Variants in CDK12 observed in about 807,000 individuals in gnomAD.
CDK12 encodes the protein cyclin-dependent kinase 12.
In CDK12, 17 loss-of-function variants were observed where a neutral mutation model predicts 133.8. The observed-to-expected ratio is 0.13, with a 90% CI of 0.09 to 0.19. The LOEUF (loss-of-function observed/expected upper bound fraction) is 0.19, where lower values mean the gene tolerates loss of function less well. CDK12 is among the 10% of genes least tolerant of loss of function. The pLI is 1.00. For missense variants in CDK12, 1,508 were observed against 1,818.7 expected (o/e 0.83, Z 3.11); for synonymous variants, 694 against 683.6 (o/e 1.02, Z -0.24).
chr17:39,515,950 T>C lies in CDK12; in HGVS notation c.2846+142T>C. On this transcript the variant is annotated intron_variant, in intron 9 of 13. Coordinates refer to ENST00000447079, the MANE Select transcript of CDK12 (RefSeq NM_016507.4). ...TCTCTTTACTCAGTCAGGTTTACCATATATTTTGTCATAGGCTATACATAT... is the reference window on the plus strand; with the variant it reads ...TCTCTTTACTCAGTCAGGTTTACCACATATTTTGTCATAGGCTATACATAT... 3 of 553,286 alleles carry C rather than the reference T, an allele frequency of 5.4e-6. No individual in the cohort carries two copies. The South Asian group carries it at 9.3e-5, about 17-fold the overall frequency. 34.3% of individuals were successfully genotyped at this position (553,286 alleles called of 1,614,324 possible). A position where few individuals can be genotyped will look rare whatever the true frequency, so the allele number is the denominator to read the frequency against.
chr17:39,517,811 A>T (rs765554548), intron 10 of CDK12, among the ~76,000 whole-genome samples: 1 of 152,122 alleles, frequency 6.6e-6, no homozygotes. Context: ...TGATCTTTCC[A>T]TGAGAAAAAG....
chr17:39,475,609 G>A (rs1486988844), intron 2 of CDK12, among the ~76,000 whole-genome samples: 5 of 148,400 alleles, frequency 3.4e-5, no homozygotes, highest in African/African-American at 1.0e-4. Context: ...GTGCAGTGGC[G>A]ATCTTGGCTC....
chr17:39,533,966 T>G lies in CDK12; in HGVS notation c.*2650T>G, dbSNP rs953739591. The G allele has an allele frequency of 1.7e-5, 4 of 232,244 alleles. No individual in the cohort carries two copies. Among genetic ancestry groups the G allele is most frequent in the Non-Finnish European group, 2.6e-5 (3 of 117,474 alleles). The allele number at this position is 232,244 out of a possible 1,614,324, so 14.4% of individuals were successfully genotyped here. ...AATTAATTCCATTCAAAAGTGGTTT[T>G]CGTTTTGTTTTAATTATTGTACAAT... is the stretch of plus-strand genomic sequence containing the variant. On this transcript the variant is annotated 3_prime_UTR_variant, in exon 14 of 14. Coordinates refer to ENST00000447079, the MANE Select transcript of CDK12 (RefSeq NM_016507.4).
intron 3 of CDK12, among the ~76,000 whole-genome samples, chr17:39,559,032 T>C (rs909137280): frequency 6.6e-6 from 1 of 152,238 alleles, no homozygotes; most frequent in Non-Finnish European, 1.5e-5. Context: ...GTTCATTTTA[T>C]TGATGTACAC....
At chr17:39,491,497 A>G (rs970512138) in intron 3 of CDK12, among the ~76,000 whole-genome samples, 3 of 151,984 alleles carry the variant, frequency 2.0e-5, no homozygotes, top group Non-Finnish European at 4.4e-5. Context: ...TGGCCTCCCA[A>G]AGTGCTGGGA....
rs2054847299 is a variant in CDK12 at position 39,531,559 on chromosome 17, A to T, written c.*243A>T. 2.5e-6 allele frequency: 1 copy of T among 392,738 alleles called. No individual in the cohort carries two copies. The highest frequency in any genetic ancestry group is 4.5e-6 in the Non-Finnish European group (1 of 221,810). The allele number at this position is 392,738 out of a possible 1,614,324, so 24.3% of individuals were successfully genotyped here. On this transcript the variant is annotated 3_prime_UTR_variant, in exon 14 of 14. Coordinates refer to ENST00000447079, the MANE Select transcript of CDK12 (RefSeq NM_016507.4). Reference sequence around the variant, plus strand: ...ATTTACTTCAACTCTACCTTAGTAGATACAAGTAGAGAATATGGAGAGGAT... The same window carrying T: ...ATTTACTTCAACTCTACCTTAGTAGTTACAAGTAGAGAATATGGAGAGGAT...
chr17:39,552,657 G>GT, intron 2 of CDK12, among the ~76,000 whole-genome samples: 1 of 152,308 alleles, frequency 6.6e-6, no homozygotes, highest in South Asian at 2.1e-4. Flanking sequence ...TATATTCTGG[G>GT]TGTTTCTCCA....
chr17:39,500,375 G>A (rs1036550421), intron 5 of CDK12, among the ~76,000 whole-genome samples: 4 of 151,932 alleles, frequency 2.6e-5, no homozygotes, highest in Admixed American at 6.6e-5. Flanking sequence ...GCTGACGCCT[G>A]TAATCCCAAC....
intron 2 of CDK12, among the ~76,000 whole-genome samples, chr17:39,552,763 A>G (rs1246157439): frequency 6.6e-6 from 1 of 152,044 alleles, no homozygotes; most frequent in Non-Finnish European, 1.5e-5. Context: ...GTCTCACTCT[A>G]TCGCCCAGGC....
In CDK12 at chr17:39,471,708, A is replaced by G. The variant is rs2049810686; in HGVS notation, c.1876A>G (p.Thr626Ala). The stretch of plus-strand genomic sequence containing the variant: ...TGCTATTCCACACCTGAAAACTTCA[A>G]CGTTGCCTCCTTTGCCCCTCCCACC... The part of the protein sequence containing the change: ...TAAIPHLKTS[T>A]LPPLPLPPLL... The change falls in exon 2 of 14, where the codon ACG becomes GCG. Residue 626 changes from threonine (T) to alanine (A), a missense_variant. Coordinates refer to ENST00000447079, the MANE Select transcript of CDK12 (RefSeq NM_016507.4). The G allele has an allele frequency of 1.2e-6, 2 of 1,614,124 alleles. No homozygotes were observed. The highest frequency in any genetic ancestry group is 1.7e-6 in the Non-Finnish European group (2 of 1,180,016).
At chr17:39,524,179 A>G (rs1048357679) in intron 11 of CDK12, among the ~76,000 whole-genome samples, 1 of 152,240 alleles carries the variant, frequency 6.6e-6, no homozygotes, top group Admixed American at 6.5e-5. Flanking sequence ...AGGGGAAAGA[A>G]CTAGTCTTTG....
At chr17:39,518,839 G>A (rs909724670) in intron 10 of CDK12, among the ~76,000 whole-genome samples, 1 of 151,692 alleles carries the variant, frequency 6.6e-6, no homozygotes, top group African/African-American at 2.4e-5. Flanking sequence ...GATTATAGGT[G>A]TAAGCCCACC....
At chr17:39,485,721 TAAAAAA>T (rs78266155) in intron 2 of CDK12, among the ~76,000 whole-genome samples, 1 of 140,400 alleles carries the variant, frequency 7.1e-6, no homozygotes, top group Non-Finnish European at 1.6e-5. Context: ...CCCTGTCTCT[TAAAAAA>T]AAAAAAAGCA....
At chr17:39,511,313 G>T (rs2053494959) in intron 7 of CDK12, among the ~76,000 whole-genome samples, 1 of 151,500 alleles carries the variant, frequency 6.6e-6, no homozygotes, top group African/African-American at 2.4e-5. Context: ...CTCCCAAAGT[G>T]CTGGTATTAC....
At chr17:39,480,278 T>TC (rs1212703622) in intron 2 of CDK12, among the ~76,000 whole-genome samples, 1 of 149,392 alleles carries the variant, frequency 6.7e-6, no homozygotes, top group Non-Finnish European at 1.5e-5. Flanking sequence ...TTTTTTTTTT[T>TC]TCCGAGACAG....
chr17:39,486,382 C>T (rs2051134163), intron 2 of CDK12, among the ~76,000 whole-genome samples: 1 of 150,622 alleles, frequency 6.6e-6, no homozygotes, highest in Admixed American at 6.7e-5. Flanking sequence ...CCTCTCGCTT[C>T]AGCCTCGATA....
intron 7 of CDK12, among the ~76,000 whole-genome samples, 169 bp downstream of exon 7, chr17:39,509,930 T>C (rs181289645): frequency 1.9e-4 from 29 of 152,070 alleles, no homozygotes; most frequent in Non-Finnish European, 3.5e-4. Flanking sequence ...GTCTCACAAG[T>C]AGCTGGAACC....
intron 3 of CDK12, among the ~76,000 whole-genome samples, chr17:39,559,634 G>C (rs566149720): frequency 1.3e-5 from 2 of 152,190 alleles, no homozygotes; most frequent in African/African-American, 4.8e-5. Context: ...CTGTCACCCA[G>C]AATGGAGTAC....
At chr17:39,512,497 A>C (rs1239126923) in intron 8 of CDK12, among the ~76,000 whole-genome samples, 1 of 152,194 alleles carries the variant, frequency 6.6e-6, no homozygotes, top group African/African-American at 2.4e-5. Context: ...ACAAAACAAA[A>C]CAATCCAGTA....
Sources: gnomAD v4.1 joint callset for allele counts (sites outside exome capture counted in the v4.1 genomes callset) on GRCh38, gnomAD v4.1.1 for gene constraint, MANE v1.5 for transcripts, NCBI Gene and HGNC (gene_info 2026-07-23, HGNC 2026-07-21) for gene names.